MEGF11: variants seen among roughly 807,000 people sequenced by gnomAD.
MEGF11 encodes the protein multiple epidermal growth factor-like domains protein 11.
MEGF11 carries 126 observed loss-of-function variants against 146.6 expected under a neutral mutation model. The observed-to-expected ratio is 0.86, with a 90% CI of 0.74 to 1.00. The LOEUF (loss-of-function observed/expected upper bound fraction) is 1.00, where lower values mean the gene tolerates loss of function less well. Ranked by LOEUF, MEGF11 falls within the 50% of genes least tolerant of loss-of-function variation. MEGF11 has a pLI of 0.00. For synonymous variants in MEGF11, 532 were observed against 583.4 expected, an observed-to-expected ratio of 0.91 and a Z score of 1.27; for missense variants, 1,509 against 1,521.2, an observed-to-expected ratio of 0.99 and a Z score of 0.13.
At chr15:65,998,716 G>A (rs925301231) in intron 5 of MEGF11, among the ~76,000 whole-genome samples, 1 of 152,104 alleles carries the variant, frequency 6.6e-6, no homozygotes, top group Non-Finnish European at 1.5e-5. Flanking sequence ...GGTGTGGGGA[G>A]GACCAAAGCC....
chr15:66,060,545 C>T (rs1305028084), intron 5 of MEGF11, among the ~76,000 whole-genome samples: 1 of 152,226 alleles, frequency 6.6e-6, no homozygotes, highest in African/African-American at 2.4e-5. Context: ...GAACTGTCTT[C>T]CTCCTTCATC....
At chr15:66,089,867 C>A (rs146429071) in intron 5 of MEGF11, among the ~76,000 whole-genome samples, 145 of 152,268 alleles carry the variant, frequency 9.5e-4, no homozygotes, top group African/African-American at 3.3e-3. Flanking sequence ...GAGATTAGTG[C>A]AATTTAATAA....
At chr15:65,978,130 T>C (rs1017090258) in intron 7 of MEGF11, among the ~76,000 whole-genome samples, 4 of 152,168 alleles carry the variant, frequency 2.6e-5, no homozygotes, top group Admixed American at 6.5e-5. Flanking sequence ...GCCTGGGTCT[T>C]TGGGGAGGTG....
chr15:66,165,701 G>A (rs1421791215), intron 1 of MEGF11, among the ~76,000 whole-genome samples: 2 of 152,126 alleles, frequency 1.3e-5, no homozygotes, highest in Non-Finnish European at 2.9e-5. Flanking sequence ...TCCCAGGCAG[G>A]TGGGGGACTT....
chr15:66,110,083 G>T (rs1163262671), intron 4 of MEGF11, among the ~76,000 whole-genome samples: 3 of 152,154 alleles, frequency 2.0e-5, no homozygotes, highest in African/African-American at 7.2e-5. Flanking sequence ...ACCAACCACC[G>T]TGTGGCTCCC....
chr15:65,988,703 T>A (rs2099913702), intron 5 of MEGF11, among the ~76,000 whole-genome samples: 1 of 152,270 alleles, frequency 6.6e-6, no homozygotes, highest in African/African-American at 2.4e-5. Flanking sequence ...TTTTCTGCCT[T>A]CACTACTGTA....
chr15:66,051,060 A>G (rs1364303547), intron 5 of MEGF11, among the ~76,000 whole-genome samples: 1 of 152,278 alleles, frequency 6.6e-6, no homozygotes, highest in African/African-American at 2.4e-5. Context: ...GCCCCAAAGG[A>G]CAATCATTAC....
chr15:66,233,071 T>C (rs930932965), intron 1 of MEGF11, among the ~76,000 whole-genome samples: 2 of 152,268 alleles, frequency 1.3e-5, no homozygotes, highest in East Asian at 1.9e-4. Context: ...CGTGTCCATT[T>C]TACACAGCAC....
chr15:65,961,150 G>T (rs1173370905), intron 9 of MEGF11, among the ~76,000 whole-genome samples: 1 of 152,120 alleles, frequency 6.6e-6, no homozygotes. Flanking sequence ...GACTTGCACA[G>T]CCCCTCTCCC....
intron 1 of MEGF11, among the ~76,000 whole-genome samples, chr15:66,200,956 A>C (rs2091142845): frequency 6.6e-6 from 1 of 152,106 alleles, no homozygotes; most frequent in South Asian, 2.1e-4. Context: ...ACTGCCAAAC[A>C]GAAGTATTCA....
At chr15:66,032,388 T>C (rs1166646014) in intron 5 of MEGF11, among the ~76,000 whole-genome samples, 1 of 152,150 alleles carries the variant, frequency 6.6e-6, no homozygotes, top group East Asian at 1.9e-4. Context: ...GACTGGGTAA[T>C]GGGTAGAAGC....
chr15:65,948,035 A>G (rs1460551033), intron 10 of MEGF11, among the ~76,000 whole-genome samples: 2 of 152,326 alleles, frequency 1.3e-5, no homozygotes, highest in East Asian at 3.9e-4. Flanking sequence ...TCTTAGTGAC[A>G]TAAAACCAAT....
intron 4 of MEGF11, among the ~76,000 whole-genome samples, chr15:66,098,358 C>T (rs2086640364): frequency 6.6e-6 from 1 of 152,352 alleles, no homozygotes; most frequent in East Asian, 1.9e-4. Context: ...ATTCTCCCTT[C>T]TATTGGGCCT....
chr15:66,199,798 AAAC>A (rs2140085763), intron 1 of MEGF11, among the ~76,000 whole-genome samples: 1 of 152,286 alleles, frequency 6.6e-6, no homozygotes, highest in Admixed American at 6.5e-5. Flanking sequence ...TAAAAACAAA[AAAC>A]AAACAAACAA....
At chr15:66,152,166 G>C (rs1298501512) in intron 1 of MEGF11, among the ~76,000 whole-genome samples, 3 of 151,980 alleles carry the variant, frequency 2.0e-5, no homozygotes, top group South Asian at 4.2e-4. Context: ...AGGAAACATG[G>C]GCCTGTCACC....
At chr15:66,167,264 G>A (rs2090122336) in intron 1 of MEGF11, among the ~76,000 whole-genome samples, 1 of 152,158 alleles carries the variant, frequency 6.6e-6, no homozygotes, top group Non-Finnish European at 1.5e-5. Context: ...CAACCCAGAG[G>A]GAGACTCCAT....
chr15:66,187,769 C>CCAG (rs3082855), intron 1 of MEGF11, among the ~76,000 whole-genome samples: 17,073 of 152,208 alleles, frequency 0.11, 1,560 homozygotes, highest in African/African-American at 0.25. Flanking sequence ...ATGTACGATT[C>CCAG]CAGCATCCTT....
At chr15:65,955,773 T>TATATAG (rs1246705708) in intron 10 of MEGF11, among the ~76,000 whole-genome samples, 5 of 7,608 alleles carry the variant, frequency 6.6e-4, no homozygotes, top group African/African-American at 8.2e-4. Flanking sequence ...TATATATATA[T>TATATAG]ATATATATAT....
intron 5 of MEGF11, among the ~76,000 whole-genome samples, chr15:66,010,182 CA>C (rs2082667264): frequency 7.8e-6 from 1 of 127,690 alleles, no homozygotes; most frequent in Non-Finnish European, 1.6e-5. Flanking sequence ...AAAAAAAGTG[CA>C]AAAAAACTCA....
Sources: allele counts gnomAD v4.1 joint callset (sites outside exome capture counted in the v4.1 genomes callset), GRCh38; gene constraint gnomAD v4.1.1; transcripts MANE v1.5; gene names NCBI Gene and HGNC (gene_info 2026-07-23, HGNC 2026-07-21).